KCNT1: variants seen among roughly 807,000 people sequenced by gnomAD.
KCNT1 encodes the protein potassium sodium-activated channel subfamily T member 1.
KCNT1 carries 78 observed loss-of-function variants against 147.8 expected under a neutral mutation model. The observed-to-expected ratio is 0.53, with a 90% CI of 0.44 to 0.64. The LOEUF (loss-of-function observed/expected upper bound fraction) is 0.64, where lower values mean the gene tolerates loss of function less well. Among genes scored for constraint, KCNT1 ranks in the 30% least tolerant of loss-of-function variants. KCNT1 has a pLI of 0.00. For synonymous variants in KCNT1, 867 were observed against 748.8 expected (o/e 1.16, Z -2.58); for missense variants, 1,419 against 1,750.3 (o/e 0.81, Z 3.38).
chr9:135,750,270 C>T, intron 3 of KCNT1, 93 bp downstream of exon 3: 1 of 1,055,148 alleles, frequency 9.5e-7, no homozygotes, highest in Non-Finnish European at 1.4e-6. Context: ...GGGCTGTGAG[C>T]TCAGGGAGAG....
Position 135,786,533 on chromosome 9 carries a change from C to T in KCNT1, c.3502+12C>T, listed in dbSNP as rs367727105. The T allele has an allele frequency of 3.1e-4, 491 of 1,575,392 alleles. 4 individuals carry two copies. The highest frequency in any genetic ancestry group is 1.5e-4 in the Admixed American group (8 of 52,156). On this transcript the variant is annotated intron_variant, in intron 29 of 30. Coordinates refer to ENST00000371757, the MANE Select transcript of KCNT1 (RefSeq NM_020822.3). ...CACCACCGGCTACGGTAAGGGCACA[C>T]GGCGCGGGTGGGGGCCGGACGGACG... is the stretch of plus-strand genomic sequence containing the variant.
chr9:135,709,683 A>C (rs1835409370), intron 1 of KCNT1, among the ~76,000 whole-genome samples: 3 of 151,846 alleles, frequency 2.0e-5, no homozygotes, highest in African/African-American at 7.3e-5. Flanking sequence ...CCATCCTTTG[A>C]GTCGTTTTCT....
At chr9:135,748,787 T>C (rs969032808) in intron 2 of KCNT1, among the ~76,000 whole-genome samples, 2 of 152,226 alleles carry the variant, frequency 1.3e-5, no homozygotes, top group African/African-American at 4.8e-5. Flanking sequence ...GGGCCCATGC[T>C]GAGGAGCTCA....
chr9:135,774,228 T>G (rs967048000), intron 19 of KCNT1, among the ~76,000 whole-genome samples: 3 of 148,730 alleles, frequency 2.0e-5, no homozygotes, highest in Non-Finnish European at 3.0e-5. Context: ...TGTCTGTGTG[T>G]TGTGTGTGGT....
In KCNT1 at chr9:135,730,910, C is replaced by G. The variant is rs546221310; in HGVS notation, c.254+16190C>G. Among the ~76,000 whole-genome samples the G allele has an allele frequency of 5.5e-4, 81 of 148,438 alleles. No homozygotes were observed. The highest frequency in any genetic ancestry group is 1.7e-3 in the African/African-American group (70 of 40,092). On this transcript the variant is annotated intron_variant, in intron 2 of 30. Coordinates refer to ENST00000371757, the MANE Select transcript of KCNT1 (RefSeq NM_020822.3). The surrounding 1 kb of genome is among the most constrained non-coding windows in gnomAD (Gnocchi z 4.7). ...CTGAGGCAGGAGGATCACTTGAGCC[C>G]AGGAGGTCCAGGCTGCAGTGAGCGA...
intron 17 of KCNT1, 67 bp from the exon 18 acceptor site, chr9:135,770,789 AG>A: frequency 7.2e-7 from 1 of 1,385,582 alleles, no homozygotes; most frequent in Non-Finnish European, 9.9e-7. Context: ...ATTTGCAGGA[AG>A]GGCAGGCAGG....
chr9:135,757,856 C>T (rs1831597404), intron 9 of KCNT1, among the ~76,000 whole-genome samples: 1 of 152,220 alleles, frequency 6.6e-6, no homozygotes, highest in Non-Finnish European at 1.5e-5. Flanking sequence ...TAGGCGCCCA[C>T]CCTCTCCAAG....
intron 2 of KCNT1, among the ~76,000 whole-genome samples, chr9:135,719,909 C>T (rs575981292): frequency 9.2e-5 from 14 of 152,330 alleles, no homozygotes; most frequent in African/African-American, 1.4e-4. Flanking sequence ...CAGGCTGTTT[C>T]ATTAGCTCCT....
At chr9:135,784,666 A>C (rs768196888) in intron 26 of KCNT1, 48 bp downstream of exon 26, 2 of 1,610,004 alleles carry the variant, frequency 1.2e-6, no homozygotes, top group Non-Finnish European at 1.7e-6. Context: ...GGGCTGTCCA[A>C]GTGGGTGGAT....
In KCNT1 at chr9:135,752,648, C is replaced by T. The variant is rs375389495; in HGVS notation, c.435-1289C>T. ...GATGATGGATGGATGGACGGACGGACGGATGGACGGATGGATGGAGTGGAT... is the reference window on the plus strand; with the variant it reads ...GATGATGGATGGATGGACGGACGGATGGATGGACGGATGGATGGAGTGGAT... On this transcript the variant is annotated intron_variant, in intron 4 of 30. Transcript: ENST00000371757. The surrounding 1 kb of genome is among the most constrained non-coding windows in gnomAD (Gnocchi z 5.1). Among the ~76,000 whole-genome samples, 12 of 139,088 alleles carry T rather than the reference C, an allele frequency of 8.6e-5. No homozygotes were observed. The East Asian group carries it at 1.9e-3, about 21-fold the overall frequency. 91.2% of individuals were successfully genotyped at this position (139,088 alleles called of 152,430 possible). A position where few individuals can be genotyped will look rare whatever the true frequency, so the allele number is the denominator to read the frequency against.
Position 135,786,261 on chromosome 9 carries a change from C to A in KCNT1, c.3242C>A (p.Ser1081Tyr). 1 of 1,610,940 alleles carries A rather than the reference C, an allele frequency of 6.2e-7. No homozygotes were observed. The highest frequency in any genetic ancestry group is 8.5e-7 in the Non-Finnish European group (1 of 1,179,338). Residue 1081 changes from serine to tyrosine, a missense_variant, in exon 29 of 31, where the codon TCC (serine) becomes TAC (tyrosine). By Grantham distance (144) the Ser-to-Tyr change is moderately radical (BLOSUM62 -2). Around this residue, in one of 5 missense-constraint regions of KCNT1, gnomAD observed 306 missense variants for 294.2 expected, o/e 1.04. Transcript: ENST00000371757. The stretch of plus-strand genomic sequence containing the variant: ...CGGGAAGTGAAGGGGCCCTGGGGCT[C>A]CCGCGCTGGCACCGGAGGCAGCTCC... ...DTREVKGPWG[S>Y]RAGTGGSSQG...
intron 10 of KCNT1, 28 bp downstream of exon 10, chr9:135,758,536 C>A: frequency 1.9e-6 from 3 of 1,589,368 alleles, no homozygotes; most frequent in Non-Finnish European, 2.6e-6. Context: ...GTGTGAGCAC[C>A]CCAGGACGTT....
chr9:135,758,647 C>T (rs1442351356), intron 10 of KCNT1, 139 bp downstream of exon 10: 13 of 692,090 alleles, frequency 1.9e-5, no homozygotes, highest in Non-Finnish European at 2.5e-5. Context: ...CTGCGGGTGT[C>T]GGGCCACCAA....
At chr9:135,787,205 C>T (rs532676961) in intron 29 of KCNT1, among the ~76,000 whole-genome samples, 66 of 152,340 alleles carry the variant, frequency 4.3e-4, no homozygotes, top group African/African-American at 1.5e-3. Flanking sequence ...GGGAGCCCGG[C>T]GTCCGTCTTC....
intron 24 of KCNT1, among the ~76,000 whole-genome samples, chr9:135,780,901 G>C (rs1833563861): frequency 1.3e-5 from 2 of 152,250 alleles, no homozygotes; most frequent in South Asian, 4.1e-4. Flanking sequence ...TGGAGTCGGG[G>C]TCGAGGCAGT....
In KCNT1 at chr9:135,784,425, C is replaced by T. The variant is rs572320808; in HGVS notation, c.2944-110C>T. ...GTGTATGCATGAGGGGTGGCGAGCC[C>T]GTGGCCGGTGGGGTATGGACCTGTG... is the stretch of plus-strand genomic sequence containing the variant. On this transcript the variant is annotated intron_variant, in intron 25 of 30. Transcript: ENST00000371757. 9.8e-4 allele frequency: 791 copies of T among 805,156 alleles called. 1 individual carries two copies. Among genetic ancestry groups the T allele is most frequent in the Non-Finnish European group, 1.5e-3 (711 of 489,158 alleles). 49.9% of individuals were successfully genotyped at this position (805,156 alleles called of 1,614,324 possible).
At chr9:135,789,505 C>T (rs1386259976) in intron 29 of KCNT1, 1 of 152,288 alleles carries the variant, frequency 6.6e-6, no homozygotes, top group Non-Finnish European at 1.5e-5. Flanking sequence ...CACAAATCCC[C>T]TCTTCACGCC....
chr9:135,785,321 C>T lies in KCNT1; in HGVS notation c.3168C>T (p.Leu1056=). 1.2e-6 allele frequency: 2 copies of T among 1,613,048 alleles called. No individual in the cohort carries two copies. Among genetic ancestry groups the T allele is most frequent in the South Asian group, 1.1e-5 (1 of 91,082 alleles). ...TGTTTCCTTTGCAGCCCCACGACCT[C>T]AGAGCCCAGGTAAGCAACCCCTCCG... ...HVFSTSEPHD[L]RAQSQISVNV... is the part of the protein sequence containing the mutation. Residue 1056 remains leucine, a synonymous_variant, in exon 28 of 31, where the codon CTC becomes CTT. Transcript: ENST00000371757.
chr9:135,742,701 A>C lies in KCNT1; in HGVS notation c.255-7397A>C, dbSNP rs878973901. 10 of 716,102 alleles carry C rather than the reference A, an allele frequency of 1.4e-5. No homozygotes were observed. The South Asian group carries it at 1.5e-4, about 11-fold the overall frequency. 44.4% of individuals were successfully genotyped at this position (716,102 alleles called of 1,614,324 possible). A position where few individuals can be genotyped will look rare whatever the true frequency, so the allele number is the denominator to read the frequency against. On this transcript the variant is annotated intron_variant, in intron 2 of 30. Transcript: ENST00000371757. ...TACTGCCTTCTCCATCCGTCCGTCT[A>C]TCTGTCTGCTGCCTTCTCCATCTGT...
Sources: allele counts gnomAD v4.1 joint callset (sites outside exome capture counted in the v4.1 genomes callset), GRCh38; gene constraint gnomAD v4.1.1; regional missense constraint gnomAD v4.1.1; non-coding constraint Gnocchi (gnomAD v3.1); transcripts MANE v1.5; gene names NCBI Gene and HGNC (gene_info 2026-07-23, HGNC 2026-07-21).